UBE4B: variants seen among roughly 807,000 people sequenced by gnomAD.
The protein encoded by UBE4B is ubiquitination factor E4B.
Under a neutral mutation model 148.1 loss-of-function variants are expected in UBE4B, and 27 were observed. The ratio of observed to expected loss-of-function variants is 0.18; its 90% CI spans 0.13 to 0.25. The LOEUF (loss-of-function observed/expected upper bound fraction) is 0.25. Ranked by LOEUF, UBE4B falls within the 10% of genes least tolerant of loss-of-function variation. UBE4B has a pLI of 1.00. For missense variants in UBE4B, 1,170 were observed against 1,662.4 expected, an observed-to-expected ratio of 0.70 and a Z score of 5.15; for synonymous variants, 596 against 619.3, an observed-to-expected ratio of 0.96 and a Z score of 0.56.
At chr1:10,162,287 C>T (rs1646175876) in intron 23 of UBE4B, among the ~76,000 whole-genome samples, 1 of 152,206 alleles carries the variant, frequency 6.6e-6, no homozygotes, top group African/African-American at 2.4e-5. Context: ...GATTCTCCTG[C>T]CTCAGCCTCC....
intron 14 of UBE4B, among the ~76,000 whole-genome samples, chr1:10,131,613 T>C (rs1204054126): frequency 6.6e-6 from 1 of 152,200 alleles, no homozygotes; most frequent in Non-Finnish European, 1.5e-5. Flanking sequence ...CTAATGCCTG[T>C]AATCCCAACA....
chr1:10,093,198 A>G (rs766244666), intron 2 of UBE4B, among the ~76,000 whole-genome samples: 6 of 152,180 alleles, frequency 3.9e-5, no homozygotes, highest in African/African-American at 1.4e-4. Flanking sequence ...TACCATAATG[A>G]TCATTGAAGT....
At chr1:10,073,085 A>G (rs976624221) in intron 2 of UBE4B, 2 of 152,306 alleles carry the variant, frequency 1.3e-5, no homozygotes, top group African/African-American at 4.8e-5. Context: ...CAACCAAAAC[A>G]TCTGTTAGTA....
At chr1:10,039,627 A>G (rs1301254446) in intron 1 of UBE4B, among the ~76,000 whole-genome samples, 1 of 149,096 alleles carries the variant, frequency 6.7e-6, no homozygotes, top group Non-Finnish European at 1.5e-5. Flanking sequence ...TTTAGTAAAG[A>G]TGGGGTTTTA....
intron 25 of UBE4B, 124 bp downstream of exon 25, chr1:10,171,453 G>C: frequency 1.6e-6 from 2 of 1,250,970 alleles, no homozygotes; most frequent in Non-Finnish European, 2.2e-6. Context: ...TGAGTGTGAA[G>C]AGCAGATTTG....
At position 10,171,488 on chromosome 1, in the gene UBE4B, G is replaced by A. The variant is rs542892969; in HGVS notation, c.3525+159G>A. ...GGGCTGGGCGCGGTGGCTCAGGCCT[G>A]TAATCCCAACATTCTGGGAGGCCAA... On this transcript the variant is annotated intron_variant, in intron 25 of 27. Coordinates refer to ENST00000343090, the MANE Select transcript of UBE4B (RefSeq NM_001105562.3). Among the ~76,000 whole-genome samples, 31 of 152,338 alleles carry A rather than the reference G, an allele frequency of 2.0e-4. No individual in the cohort carries two copies. The South Asian group carries it at 6.0e-3, about 29-fold the overall frequency.
At chr1:10,091,367 G>A (rs1644844225) in intron 2 of UBE4B, among the ~76,000 whole-genome samples, 1 of 151,980 alleles carries the variant, frequency 6.6e-6, no homozygotes, top group Non-Finnish European at 1.5e-5. Context: ...GATTTGATGT[G>A]TTTTTAGTCG....
intron 1 of UBE4B, 103 bp from the exon 2 acceptor site, chr1:10,071,924 AT>A (rs1300053477): frequency 8.7e-7 from 1 of 1,145,374 alleles, no homozygotes; most frequent in African/African-American, 1.6e-5. Context: ...CTGAAGGCAT[AT>A]TGAGTTGTTA....
Position 10,071,679 on chromosome 1 carries a change from CGTATTTATGTAT to C in UBE4B, c.25-332_25-321del, listed in dbSNP as rs71583836. ...TAAGGGAACTAACATACAGTATATA[CGTATTTATGTAT>C]GTATTTATGTATGTATGAATTAGAG... is the stretch of plus-strand genomic sequence containing the variant. On this transcript the variant is annotated intron_variant, in intron 1 of 27. Coordinates refer to ENST00000343090, the MANE Select transcript of UBE4B (RefSeq NM_001105562.3). Among the ~76,000 whole-genome samples, 16 of 152,008 alleles carry C rather than the reference CGTATTTATGTAT, an allele frequency of 1.1e-4. No homozygotes were observed. In the South Asian group the frequency reaches 1.2e-3, roughly 12 times the overall value.
At chr1:10,132,538 G>C in intron 15 of UBE4B, 56 bp downstream of exon 15, 1 of 1,491,012 alleles carries the variant, frequency 6.7e-7, no homozygotes, top group Non-Finnish European at 9.3e-7. Context: ...ATCTGACCCA[G>C]ATTTAGTCAG....
At chr1:10,062,143 C>T (rs1280877293) in intron 1 of UBE4B, among the ~76,000 whole-genome samples, 4 of 151,884 alleles carry the variant, frequency 2.6e-5, no homozygotes, top group Non-Finnish European at 4.4e-5. Flanking sequence ...TTCTTGACCT[C>T]GTGATCCACC....
intron 20 of UBE4B, among the ~76,000 whole-genome samples, chr1:10,150,943 C>A (rs547482236): frequency 1.3e-5 from 2 of 150,204 alleles, no homozygotes; most frequent in African/African-American, 4.9e-5. Flanking sequence ...GGGCGGATCA[C>A]GAGGTCAGGA....
At chr1:10,158,780 G>A (rs1380503639) in intron 22 of UBE4B, among the ~76,000 whole-genome samples, 1 of 152,086 alleles carries the variant, frequency 6.6e-6, no homozygotes, top group Non-Finnish European at 1.5e-5. Context: ...AGGCAGAGGC[G>A]GGCGGATCAC....
chr1:10,081,063 A>T (rs1345294684), intron 2 of UBE4B, among the ~76,000 whole-genome samples: 1 of 152,056 alleles, frequency 6.6e-6, no homozygotes, highest in East Asian at 1.9e-4. Flanking sequence ...AAAAACAACA[A>T]TATTATTATT....
intron 10 of UBE4B, 38 bp from the exon 11 acceptor site, chr1:10,126,756 T>G: frequency 1.3e-6 from 2 of 1,549,866 alleles, no homozygotes; most frequent in Non-Finnish European, 1.8e-6. Context: ...TTAGATTCTC[T>G]TAAACTTATA....
intron 21 of UBE4B, among the ~76,000 whole-genome samples, chr1:10,154,165 C>T (rs939249852): frequency 6.6e-6 from 1 of 152,040 alleles, no homozygotes; most frequent in African/African-American, 2.4e-5. Flanking sequence ...ATCTCTTGAA[C>T]CCGGGAGGCA....
At chr1:10,120,350 G>A (rs771758290) in intron 9 of UBE4B, among the ~76,000 whole-genome samples, 23 of 152,012 alleles carry the variant, frequency 1.5e-4, no homozygotes, top group Admixed American at 1.1e-3. Context: ...GCAAAATTCC[G>A]TCTCTACTAA....
In UBE4B at chr1:10,077,184, G is replaced by A. The variant is rs113007946; in HGVS notation, c.211+4970G>A. On this transcript the variant is annotated intron_variant, in intron 2 of 27. Coordinates refer to ENST00000343090, the MANE Select transcript of UBE4B (RefSeq NM_001105562.3). ...GAGGCTAGAAGTCCAAAGCCAAGGT[G>A]TTGGTAGGGCGATGCCTCCCAATAA... Among the ~76,000 whole-genome samples, 719 of 152,298 alleles carry A rather than the reference G, an allele frequency of 4.7e-3. 11 individuals are homozygous for A. Among genetic ancestry groups the A allele is most frequent in the African/African-American group, 0.016 (677 of 41,564 alleles).
intron 2 of UBE4B, among the ~76,000 whole-genome samples, chr1:10,091,303 G>A (rs1644843131): frequency 6.6e-6 from 1 of 152,108 alleles, no homozygotes; most frequent in South Asian, 2.1e-4. Context: ...GTGGGAGAGG[G>A]CATGAAGACA....
Sources: allele counts gnomAD v4.1 joint callset (sites outside exome capture counted in the v4.1 genomes callset), GRCh38; gene constraint gnomAD v4.1.1; transcripts MANE v1.5; gene names NCBI Gene and HGNC (gene_info 2026-07-23, HGNC 2026-07-21).